PHC3: variants seen among roughly 807,000 people sequenced by gnomAD.
PHC3 encodes the protein polyhomeotic-like protein 3.
PHC3 carries 13 observed loss-of-function variants against 107.4 expected under a neutral mutation model. The ratio of observed to expected loss-of-function variants is 0.12; its 90% CI spans 0.08 to 0.19. The LOEUF is 0.19. Among genes scored for constraint, PHC3 ranks in the 10% least tolerant of loss-of-function variants. The probability of loss-of-function intolerance (pLI) is 1.00; values close to 1 mark genes in which losing one functional copy is unlikely to be tolerated. For missense variants in PHC3, 992 were observed against 1,210.9 expected, an observed-to-expected ratio of 0.82 and a Z score of 2.68; for synonymous variants, 456 against 427.4, an observed-to-expected ratio of 1.07 and a Z score of -0.83.
chr3:170,134,350 C>A (rs964716587), intron 7 of PHC3, among the ~76,000 whole-genome samples: 2 of 151,834 alleles, frequency 1.3e-5, no homozygotes, highest in African/African-American at 4.8e-5. Context: ...CCACTACGCA[C>A]GGCTAATTTT....
intron 7 of PHC3, among the ~76,000 whole-genome samples, chr3:170,135,733 A>G (rs1407290202): frequency 6.6e-6 from 1 of 152,092 alleles, no homozygotes; most frequent in East Asian, 1.9e-4. Context: ...TTAAGAATAC[A>G]TGTAACTCTT....
intron 8 of PHC3, chr3:170,128,394 GA>G (rs910792289): frequency 2.2e-5 from 30 of 1,334,476 alleles, no homozygotes; most frequent in African/African-American, 6.0e-5. Context: ...TTCCCTTGGG[GA>G]AAAAAAATCA....
chr3:170,100,476 G>C (rs1038070223), intron 14 of PHC3, among the ~76,000 whole-genome samples: 1 of 152,138 alleles, frequency 6.6e-6, no homozygotes, highest in Non-Finnish European at 1.5e-5. Flanking sequence ...GCCTGTCAAA[G>C]CAGTTTGGAA....
At chr3:170,134,619 T>C (rs1553793963) in intron 7 of PHC3, among the ~76,000 whole-genome samples, 1 of 151,420 alleles carries the variant, frequency 6.6e-6, no homozygotes, top group Non-Finnish European at 1.5e-5. Flanking sequence ...AAAATCCAAG[T>C]GGGAAAAAAA....
intron 4 of PHC3, chr3:170,170,365 A>G (rs1729402175): frequency 6.7e-6 from 1 of 149,496 alleles, no homozygotes; most frequent in South Asian, 2.2e-4. Flanking sequence ...GAAAGACCAC[A>G]AGCTGCCGGC....
chr3:170,102,981 T>G (rs1270987251), intron 12 of PHC3, 47 bp from the exon 13 acceptor site: 8 of 1,532,638 alleles, frequency 5.2e-6, no homozygotes, highest in Non-Finnish European at 7.1e-6. Flanking sequence ...TATGGGACAA[T>G]CCATTTAGTA....
At chr3:170,122,151 G>A (rs1720473653) in intron 9 of PHC3, among the ~76,000 whole-genome samples, 1 of 152,126 alleles carries the variant, frequency 6.6e-6, no homozygotes, top group Non-Finnish European at 1.5e-5. Flanking sequence ...TTGGAAGCTG[G>A]GGCAAAAGAA....
Position 170,092,684 on chromosome 3 carries a change from A to C in PHC3, c.*4546T>G, listed in dbSNP as rs994246764. ...ATTCAACTGTGATATCTGAAAATGGAAACTCTGTAATTCTGGCAACTCAAT... is the reference window on the plus strand; with the variant it reads ...ATTCAACTGTGATATCTGAAAATGGCAACTCTGTAATTCTGGCAACTCAAT... On this transcript the variant is annotated 3_prime_UTR_variant, in exon 15 of 15. Transcript: ENST00000495893. 2.6e-5 allele frequency: 4 copies of C among 152,238 alleles called. No individual in the cohort carries two copies. Among genetic ancestry groups the C allele is most frequent in the African/African-American group, 9.6e-5 (4 of 41,470 alleles). 9.4% of individuals were successfully genotyped at this position (152,238 alleles called of 1,614,324 possible).
chr3:170,150,745 T>A (rs1289772890), intron 4 of PHC3: 1 of 419,804 alleles, frequency 2.4e-6, no homozygotes, highest in Non-Finnish European at 4.8e-6. Context: ...AAAAACCCAA[T>A]AAACTAGTGC....
chr3:170,179,155 A>G (rs2108796806), intron 1 of PHC3, among the ~76,000 whole-genome samples: 2 of 152,360 alleles, frequency 1.3e-5, no homozygotes, highest in Admixed American at 1.3e-4. Context: ...ATTTGAATTC[A>G]AATGATTCAG....
At chr3:170,168,413 T>C (rs1276071835) in intron 4 of PHC3, among the ~76,000 whole-genome samples, 2 of 152,190 alleles carry the variant, frequency 1.3e-5, no homozygotes. Flanking sequence ...GTTGAAATAC[T>C]AAAGACATAA....
At chr3:170,130,777 T>C (rs1223179287) in intron 7 of PHC3, among the ~76,000 whole-genome samples, 2 of 152,196 alleles carry the variant, frequency 1.3e-5, no homozygotes, top group Non-Finnish European at 2.9e-5. Context: ...CACATGTTTA[T>C]AGAAAGGGAG....
chr3:170,175,635 A>G (rs1391752867), intron 2 of PHC3, among the ~76,000 whole-genome samples: 4 of 150,950 alleles, frequency 2.6e-5, no homozygotes, highest in African/African-American at 9.8e-5. Context: ...AAAAAAAAAA[A>G]AGGGGGGGGC....
chr3:170,150,150 A>G (rs1221726180), intron 4 of PHC3, among the ~76,000 whole-genome samples: 1 of 152,206 alleles, frequency 6.6e-6, no homozygotes, highest in Non-Finnish European at 1.5e-5. Flanking sequence ...AATATTCCAC[A>G]TAACTTAAAA....
intron 4 of PHC3, among the ~76,000 whole-genome samples, chr3:170,168,681 G>C (rs1408748127): frequency 6.7e-6 from 1 of 149,328 alleles, no homozygotes; most frequent in East Asian, 2.0e-4. Flanking sequence ...GTGAACTCGG[G>C]AGGCGGAGCT....
intron 6 of PHC3, among the ~76,000 whole-genome samples, chr3:170,141,171 A>C (rs749680342): frequency 1.3e-5 from 2 of 152,258 alleles, no homozygotes; most frequent in Non-Finnish European, 2.9e-5. Context: ...TATAATTCTA[A>C]AACTCAACAA....
In PHC3 at chr3:170,098,725, CCT is replaced by C. The variant is rs1402247159; in HGVS notation, c.2834-1343_2834-1342del. Among the ~76,000 whole-genome samples, 16 of 152,036 alleles carry C rather than the reference CCT, an allele frequency of 1.1e-4. 1 individual carries two copies. In the South Asian group the frequency reaches 1.2e-3, roughly 12 times the overall value. ...CTCTTGCTTATTTCTTTTCTCACGTCCTCTGTTACTTGTATCTTTACTGTTTC... is the reference window on the plus strand; with the variant it reads ...CTCTTGCTTATTTCTTTTCTCACGTCCTGTTACTTGTATCTTTACTGTTTC... On this transcript the variant is annotated intron_variant, in intron 14 of 14. Coordinates refer to ENST00000495893, the MANE Select transcript of PHC3 (RefSeq NM_024947.4).
At chr3:170,134,285 G>A (rs1722710752) in intron 7 of PHC3, among the ~76,000 whole-genome samples, 2 of 151,968 alleles carry the variant, frequency 1.3e-5, no homozygotes, top group South Asian at 4.1e-4. Context: ...CACCTCCCCG[G>A]TTCAAGTAAT....
Position 170,131,148 on chromosome 3 carries a change from A to T in PHC3, c.920-1596T>A, listed in dbSNP as rs201051389. 6.1e-3 allele frequency among the ~76,000 whole-genome samples: 593 copies of T among 97,550 alleles called. 19 individuals carry two copies. The East Asian group carries it at 0.12, about 20-fold the overall frequency. 64.0% of individuals were successfully genotyped at this position (97,550 alleles called of 152,430 possible). ...TCAATAAATATCCACTAATTGTTAA[A>T]AAAAAAAAAAAAAAAGGAAATCAAG... is the stretch of plus-strand genomic sequence containing the variant. On this transcript the variant is annotated intron_variant, in intron 7 of 14. Coordinates refer to ENST00000495893, the MANE Select transcript of PHC3 (RefSeq NM_024947.4).
Sources: allele counts gnomAD v4.1 joint callset (sites outside exome capture counted in the v4.1 genomes callset), GRCh38; gene constraint gnomAD v4.1.1; transcripts MANE v1.5; gene names NCBI Gene and HGNC (gene_info 2026-07-23, HGNC 2026-07-21).